The following BRCA1 variants were observed in gnomAD, a reference collection of about 807,000 sequenced individuals.
BRCA1 encodes the protein BRCA1 DNA repair associated.
A neutral mutation model predicts 173.7 loss-of-function variants in BRCA1; 140 were observed. The ratio of observed to expected loss-of-function variants is 0.81; its 90% CI spans 0.70 to 0.93. The LOEUF is 0.93. BRCA1 is among the 40% of genes least tolerant of loss of function. The probability of loss-of-function intolerance (pLI) is 0.00; values close to 1 mark genes in which losing one functional copy is unlikely to be tolerated. For missense variants in BRCA1, 1,983 were observed against 2,172.5 expected (o/e 0.91, Z 1.73); for synonymous variants, 662 against 756.0 (o/e 0.88, Z 2.04).
At chr17:43,102,075 T>G (rs1031093742) in intron 6 of BRCA1, among the ~76,000 whole-genome samples, 4 of 151,350 alleles carry the variant, frequency 2.6e-5, no homozygotes, top group Non-Finnish European at 5.9e-5. Flanking sequence ...GCTAAGTTTT[T>G]TTGTTTTTTT....
At chr17:43,101,586 T>C (rs889596866) in intron 6 of BRCA1, among the ~76,000 whole-genome samples, 5 of 152,040 alleles carry the variant, frequency 3.3e-5, no homozygotes, top group Non-Finnish European at 5.9e-5. Context: ...CGCTGCAACC[T>C]CCGCGTCCTA....
chr17:43,144,019 G>A (rs1387913592), intron 1 of BRCA1, among the ~76,000 whole-genome samples: 55 of 152,104 alleles, frequency 3.6e-4, no homozygotes, highest in Non-Finnish European at 2.9e-5. Context: ...AGGAGATCGA[G>A]ACCATCCTGG....
chr17:43,090,246 T>A (rs1205118125), intron 11 of BRCA1, among the ~76,000 whole-genome samples: 1 of 152,210 alleles, frequency 6.6e-6, no homozygotes, highest in East Asian at 1.9e-4. Context: ...TTCTCTGACC[T>A]GCAGTAGGCA....
chr17:43,138,674 A>G, intron 1 of BRCA1: 1 of 778,966 alleles, frequency 1.3e-6, no homozygotes. Context: ...AAGCCCAGGA[A>G]GCACACATCA....
At chr17:43,082,745 G>T in intron 11 of BRCA1, 170 bp from the exon 12 acceptor site, 1 of 700,442 alleles carries the variant, frequency 1.4e-6, no homozygotes, top group Non-Finnish European at 2.4e-6. Flanking sequence ...TGCAATTAAT[G>T]CCCATGAAAT....
At chr17:43,100,682 T>TATATAACATATATATATATATATATATA (rs1567807801) in intron 6 of BRCA1, among the ~76,000 whole-genome samples, 1 of 74,472 alleles carries the variant, frequency 1.3e-5, no homozygotes, top group African/African-American at 1.5e-4. Flanking sequence ...ATATATAATA[T>TATATAACATATATATATATATATATATA]ATATATATAT....
chr17:43,092,211 T>C lies in BRCA1; in HGVS notation c.3320A>G (p.Glu1107Gly), dbSNP rs1597864403. Residue 1107 changes from glutamate (E) to glycine (G), a missense_variant, in exon 10 of 23, where the codon GAA becomes GGA. By Grantham distance (98) the Glu-to-Gly change is moderately conservative. Coordinates refer to ENST00000357654, the MANE Select transcript of BRCA1 (RefSeq NM_007294.4). ...SLPGSNCKHP[E>G]IKKQEYEEVV... ...TTCTTCATATTCTTGCTTTTTTATT[T>C]CAGGATGCTTACAATTACTTCCAGG... The C allele has an allele frequency of 1.9e-6, 3 of 1,613,400 alleles. No individual in the cohort carries two copies. The highest frequency in any genetic ancestry group is 2.5e-6 in the Non-Finnish European group (3 of 1,179,958).
chr17:43,164,283 T>TA (rs2056253977), intron 1 of BRCA1: 2 of 152,196 alleles, frequency 1.3e-5, no homozygotes, highest in Non-Finnish European at 2.9e-5. Context: ...AACTACGGCA[T>TA]AAAAACTCTA....
intron 2 of BRCA1, among the ~76,000 whole-genome samples, chr17:43,116,471 T>C (rs543228232): frequency 6.6e-4 from 101 of 152,218 alleles, no homozygotes; most frequent in Middle Eastern, 6.8e-3. Context: ...GCTCAAGCAA[T>C]CCTCCCAGCA....
intron 1 of BRCA1, among the ~76,000 whole-genome samples, chr17:43,154,139 G>T (rs1390181213): frequency 6.6e-6 from 1 of 152,082 alleles, no homozygotes; most frequent in Non-Finnish European, 1.5e-5. Context: ...AGTGAGCCAA[G>T]ATCACACCAC....
intron 1 of BRCA1, chr17:43,169,910 A>C: frequency 2.3e-6 from 1 of 437,790 alleles, no homozygotes; most frequent in Non-Finnish European, 4.6e-6. Context: ...TGTGGCTCCC[A>C]ATGTTGACGT....
chr17:43,144,847 C>G (rs1361298594), intron 1 of BRCA1: 4 of 490,600 alleles, frequency 8.2e-6, no homozygotes, highest in Non-Finnish European at 1.6e-5. Context: ...ATAGCGAGAG[C>G]AGCTCCGGTG....
At chr17:43,085,569 G>A (rs182328567) in intron 11 of BRCA1, among the ~76,000 whole-genome samples, 31 of 152,086 alleles carry the variant, frequency 2.0e-4, no homozygotes, top group Admixed American at 1.6e-3. Context: ...ACAACTTTAC[G>A]TTTCCTGGGA....
At position 43,125,281 on chromosome 17, in the gene BRCA1, A is replaced by G. The variant is rs1370244781; in HGVS notation, c.-30T>C. On this transcript the variant is annotated 5_prime_UTR_variant, in exon 1 of 23. Transcript: ENST00000357654. ...CCGGGACTCTACTACCTTTACCCAG[A>G]GCAGAGGGTGAAGGCCTCCTGAGCG... 2 of 456,192 alleles carry G rather than the reference A, an allele frequency of 4.4e-6. No individual in the cohort carries two copies. Among genetic ancestry groups the G allele is most frequent in the Admixed American group, 4.7e-5 (2 of 42,584 alleles). 28.3% of individuals were successfully genotyped at this position (456,192 alleles called of 1,614,324 possible). A position where few individuals can be genotyped will look rare whatever the true frequency, so the allele number is the denominator to read the frequency against.
intron 21 of BRCA1, 73 bp from the exon 22 acceptor site, chr17:43,047,776 TTTTG>T (rs2051000818): frequency 7.8e-6 from 12 of 1,532,328 alleles, no homozygotes; most frequent in Middle Eastern, 1.7e-4. Flanking sequence ...TCATCATTTT[TTTTG>T]TTTGTTTTTG....
intron 15 of BRCA1, 123 bp downstream of exon 15, chr17:43,070,805 C>G: frequency 1.7e-6 from 2 of 1,162,642 alleles, no homozygotes; most frequent in South Asian, 1.3e-5. Flanking sequence ...TTAAATTACA[C>G]AGAACTGTGA....
chr17:43,137,264 C>A (rs1045826681), intron 1 of BRCA1, among the ~76,000 whole-genome samples: 1 of 114,730 alleles, frequency 8.7e-6, no homozygotes, highest in African/African-American at 3.6e-5. Context: ...ACATCACACA[C>A]CAGAGCCTAT....
At chr17:43,046,286 A>G (rs941836958) in intron 22 of BRCA1, among the ~76,000 whole-genome samples, 4 of 137,780 alleles carry the variant, frequency 2.9e-5, no homozygotes, top group African/African-American at 5.7e-5. Flanking sequence ...CCTGGAATGC[A>G]ATGGCACGAT....
At chr17:43,104,596 A>C (rs187446698) in intron 5 of BRCA1, among the ~76,000 whole-genome samples, 34 of 152,316 alleles carry the variant, frequency 2.2e-4, no homozygotes, top group African/African-American at 6.3e-4. Context: ...ACTAAGAAAG[A>C]AAGCACACAA....
Sources: allele counts gnomAD v4.1 joint callset (sites outside exome capture counted in the v4.1 genomes callset), GRCh38; gene constraint gnomAD v4.1.1; transcripts MANE v1.5; gene names NCBI Gene and HGNC (gene_info 2026-07-23, HGNC 2026-07-21).